The following KCTD16 variants were observed in gnomAD, a reference collection of about 807,000 sequenced individuals.
The protein encoded by KCTD16 is potassium channel tetramerization domain containing 16.
Under a neutral mutation model 33.2 loss-of-function variants are expected in KCTD16, and 13 were observed. The observed-to-expected ratio is 0.39, with a 90% CI of 0.25 to 0.62. KCTD16 has a LOEUF of 0.62. KCTD16 is among the 20% of genes least tolerant of loss of function. KCTD16 has a pLI of 0.50. For missense variants in KCTD16, 441 were observed against 525.1 expected, an observed-to-expected ratio of 0.84 and a Z score of 1.57; for synonymous variants, 197 against 195.3, an observed-to-expected ratio of 1.01 and a Z score of -0.07.
intron 3 of KCTD16, among the ~76,000 whole-genome samples, chr5:144,307,021 T>A (rs1320466008): frequency 2.6e-5 from 4 of 152,182 alleles, no homozygotes; most frequent in Non-Finnish European, 4.4e-5. Flanking sequence ...GAGGCCCTAG[T>A]TTTTTTGTTG....
chr5:144,444,048 T>C (rs73792027), intron 3 of KCTD16, among the ~76,000 whole-genome samples: 2,005 of 152,222 alleles, frequency 0.013, 41 homozygotes, highest in African/African-American at 0.045. Flanking sequence ...TGGATTCCAC[T>C]GTCTCCAAGG....
intron 3 of KCTD16, among the ~76,000 whole-genome samples, chr5:144,292,160 A>G (rs1381513357): frequency 1.3e-5 from 2 of 152,252 alleles, no homozygotes; most frequent in Non-Finnish European, 2.9e-5. Flanking sequence ...AATACTTAAG[A>G]GCACTTTTGT....
At chr5:144,333,839 C>G (rs1752416742) in intron 3 of KCTD16, among the ~76,000 whole-genome samples, 1 of 152,150 alleles carries the variant, frequency 6.6e-6, no homozygotes, top group Non-Finnish European at 1.5e-5. Flanking sequence ...AGAATCAGGA[C>G]AGATGAAGAA....
chr5:144,205,809 C>T (rs2126788641), intron 2 of KCTD16: 1 of 377,608 alleles, frequency 2.6e-6, no homozygotes, highest in Admixed American at 4.5e-5. Context: ...ACGGAATGAA[C>T]ACATATGTAC....
intron 3 of KCTD16, among the ~76,000 whole-genome samples, chr5:144,333,510 G>A (rs528561248): frequency 6.6e-6 from 1 of 152,054 alleles, no homozygotes; most frequent in East Asian, 1.9e-4. Context: ...AGTTATTCTG[G>A]TGTTGACTGG....
At position 144,327,856 on chromosome 5, in the gene KCTD16, G is replaced by A. The variant is rs73295851; in HGVS notation, c.832+120310G>A. Among the ~76,000 whole-genome samples the A allele has an allele frequency of 3.0e-3, 455 of 152,086 alleles. 5 individuals are homozygous for A. The highest frequency in any genetic ancestry group is 0.01 in the African/African-American group (426 of 41,500). The stretch of plus-strand genomic sequence containing the variant: ...TTGGGTTCCTAATTACAAACACTTT[G>A]CTGGTTTGCAGCTTTCCGATGTTAT... On this transcript the variant is annotated intron_variant, in intron 3 of 3. Coordinates refer to ENST00000512467, the MANE Select transcript of KCTD16 (RefSeq NM_020768.4).
chr5:144,315,877 A>T (rs1039091791), intron 3 of KCTD16, among the ~76,000 whole-genome samples: 3 of 152,196 alleles, frequency 2.0e-5, no homozygotes, highest in African/African-American at 7.2e-5. Flanking sequence ...TTTTAACTTA[A>T]AATGTACATT....
intron 3 of KCTD16, among the ~76,000 whole-genome samples, chr5:144,420,573 A>C (rs2126961643): frequency 6.6e-6 from 1 of 152,126 alleles, no homozygotes; most frequent in African/African-American, 2.4e-5. Context: ...CCATGGTTAT[A>C]ATAGAACAAC....
rs1437668355 is a variant in KCTD16, at chr5:144,473,798, C to T, written c.971C>T (p.Pro324Leu). Reference protein sequence around the residue: ...SCDSQSEASSPQETVICGPVT... With the variant: ...SCDSQSEASSLQETVICGPVT... ...GACAGCCAGTCTGAGGCCAGCTCTC[C>T]CCAGGAGACGGTCATCTGTGGTCCC... The change falls in exon 4 of 4, where the codon CCC (proline) becomes CTC (leucine). Residue 324 changes from proline to leucine, a missense_variant. By Grantham distance (98) the Pro-to-Leu change is moderately conservative. Around this residue, in one of 3 missense-constraint regions of KCTD16, gnomAD observed 355 missense variants for 413.0 expected, o/e 0.86. Coordinates refer to ENST00000512467, the MANE Select transcript of KCTD16 (RefSeq NM_020768.4). The T allele has an allele frequency of 2.5e-6, 4 of 1,613,960 alleles. No individual in the cohort carries two copies. Among genetic ancestry groups the T allele is most frequent in the East Asian group, 2.2e-5 (1 of 44,870 alleles).
chr5:144,386,774 C>T (rs927296609), intron 3 of KCTD16, among the ~76,000 whole-genome samples: 2 of 151,890 alleles, frequency 1.3e-5, no homozygotes, highest in African/African-American at 4.8e-5. Context: ...AACAAAAAAA[C>T]AAACAAAACA....
chr5:144,471,833 G>A (rs973316848), intron 3 of KCTD16, among the ~76,000 whole-genome samples: 4 of 152,110 alleles, frequency 2.6e-5, no homozygotes, highest in Non-Finnish European at 5.9e-5. Flanking sequence ...CTATAAATAC[G>A]ATGATTACTC....
At chr5:144,401,132 G>C (rs186175354) in intron 3 of KCTD16, among the ~76,000 whole-genome samples, 1 of 152,276 alleles carries the variant, frequency 6.6e-6, no homozygotes, top group African/African-American at 2.4e-5. Context: ...ACAGAGTGGT[G>C]AGTGCCAGCT....
At chr5:144,327,150 C>T (rs929947292) in intron 3 of KCTD16, among the ~76,000 whole-genome samples, 2 of 152,154 alleles carry the variant, frequency 1.3e-5, no homozygotes, top group Non-Finnish European at 2.9e-5. Context: ...AGTATTTCCT[C>T]AGACAGAAGT....
chr5:144,241,420 G>A (rs1031568117), intron 3 of KCTD16, among the ~76,000 whole-genome samples: 3 of 152,130 alleles, frequency 2.0e-5, no homozygotes, highest in African/African-American at 7.2e-5. Context: ...AGACCCTTTG[G>A]ATTTTACATA....
At chr5:144,284,374 G>A (rs1219761579) in intron 3 of KCTD16, among the ~76,000 whole-genome samples, 1 of 152,224 alleles carries the variant, frequency 6.6e-6, no homozygotes, top group Non-Finnish European at 1.5e-5. Context: ...AATGTTGAAA[G>A]AAGGATAGAA....
At chr5:144,381,671 C>T (rs1351585597) in intron 3 of KCTD16, among the ~76,000 whole-genome samples, 4 of 152,144 alleles carry the variant, frequency 2.6e-5, no homozygotes, top group Admixed American at 2.0e-4. Flanking sequence ...TCACTTATCA[C>T]CAATGGGATG....
rs1055083232 is a variant in KCTD16, at chr5:144,482,166, A to G, written c.*8052A>G. The stretch of plus-strand genomic sequence containing the variant: ...ACTTTGCCTGTTTCTCCTCTCTCCT[A>G]TGCTAAACAAGGTGAGATCCCAGCC... On this transcript the variant is annotated 3_prime_UTR_variant, in exon 4 of 4. Transcript: ENST00000512467. 1 of 151,840 alleles carries G rather than the reference A, an allele frequency of 6.6e-6. No homozygotes were observed. Among genetic ancestry groups the G allele is most frequent in the Non-Finnish European group, 1.5e-5 (1 of 67,922 alleles). The allele number at this position is 151,840 out of a possible 1,614,324, so 9.4% of individuals were successfully genotyped here. A position where few individuals can be genotyped will look rare whatever the true frequency, so the allele number is the denominator to read the frequency against.
chr5:144,176,891 T>C (rs1009870853), intron 2 of KCTD16, among the ~76,000 whole-genome samples: 1 of 152,244 alleles, frequency 6.6e-6, no homozygotes, highest in Admixed American at 6.5e-5. Context: ...TATTTGTTTT[T>C]CTTGTCGATT....
At chr5:144,258,055 T>A (rs535144053) in intron 3 of KCTD16, among the ~76,000 whole-genome samples, 1 of 152,358 alleles carries the variant, frequency 6.6e-6, no homozygotes, top group African/African-American at 2.4e-5. Flanking sequence ...TTTAAGACTA[T>A]TTATTGTTGT....
Sources: gnomAD v4.1 joint callset for allele counts (sites outside exome capture counted in the v4.1 genomes callset) on GRCh38, gnomAD v4.1.1 for gene constraint, gnomAD v4.1.1 regional missense constraint, MANE v1.5 for transcripts, NCBI Gene and HGNC (gene_info 2026-07-23, HGNC 2026-07-21) for gene names.